The following DIAPH1 variants were observed in gnomAD, a reference collection of about 807,000 sequenced individuals.
DIAPH1 encodes diaphanous related formin 1, also known as protein diaphanous homolog 1.
In DIAPH1, 46 loss-of-function variants were observed where a neutral mutation model predicts 140.7. That is an observed-to-expected ratio of 0.33 (90% CI 0.26 to 0.42). DIAPH1 has a LOEUF of 0.42. Among genes scored for constraint, DIAPH1 ranks in the 10% least tolerant of loss-of-function variants. The pLI, the probability that DIAPH1 is intolerant of heterozygous loss-of-function variation, is 1.00. For missense variants in DIAPH1, 1,310 were observed against 1,558.7 expected (o/e 0.84, Z 2.69); for synonymous variants, 565 against 551.6 (o/e 1.02, Z -0.34).
chr5:141,595,896 T>G (rs552575176), intron 1 of DIAPH1, among the ~76,000 whole-genome samples: 2 of 152,300 alleles, frequency 1.3e-5, no homozygotes, highest in East Asian at 3.9e-4. Context: ...TAAAAAAATT[T>G]TTAGGGACTG....
rs2099903128 is a variant in DIAPH1, at chr5:141,618,834, G to C, written c.81C>G (p.Pro27=). ...KKKGRSPDEL[P]SAGGDGGKSK... is the part of the protein sequence containing the mutation. Reference sequence around the variant, plus strand: ...ATTTGCCGCCGTCGCCGCCCGCCGAGGGCAGCTCATCTGGGCTCCGGCCCT... The same window carrying C: ...ATTTGCCGCCGTCGCCGCCCGCCGACGGCAGCTCATCTGGGCTCCGGCCCT... The change falls in exon 1 of 28, where the codon CCC becomes CCG. Residue 27 remains proline (P), a synonymous_variant. Coordinates refer to ENST00000389054, the MANE Select transcript of DIAPH1 (RefSeq NM_005219.5). 1.3e-6 allele frequency: 2 copies of C among 1,549,514 alleles called. No individual in the cohort carries two copies. The highest frequency in any genetic ancestry group is 2.8e-5 in the African/African-American group (2 of 72,504).
At chr5:141,534,553 T>C (rs1163717891) in intron 18 of DIAPH1, 120 bp from the exon 19 acceptor site, 2 of 776,088 alleles carry the variant, frequency 2.6e-6, no homozygotes, top group African/African-American at 1.7e-5. Context: ...TGGTCTATTG[T>C]ATTCCTTCAA....
At chr5:141,524,276 G>A in intron 26 of DIAPH1, 47 bp from the exon 27 acceptor site, 1 of 1,554,782 alleles carries the variant, frequency 6.4e-7, no homozygotes, top group Non-Finnish European at 8.9e-7. Flanking sequence ...AGCCAGAGCA[G>A]CATGGCAAAT....
chr5:141,566,895 A>AAAAACAAAAC (rs10646063), intron 18 of DIAPH1, among the ~76,000 whole-genome samples: 57,140 of 149,724 alleles, frequency 0.38, 11,095 homozygotes, highest in East Asian at 0.58. Flanking sequence ...ACTCCATCTC[A>AAAAACAAAAC]AAAACAAAAC....
Position 141,535,887 on chromosome 5 carries a change from T to C in DIAPH1, c.2483-1454A>G, listed in dbSNP as rs540759034. On this transcript the variant is annotated intron_variant, in intron 18 of 27. Coordinates refer to ENST00000389054, the MANE Select transcript of DIAPH1 (RefSeq NM_005219.5). ...AACACGACAGTGGGAGGAATACTTT[T>C]GAACACAACCTTTTTATACCATTTG... Among the ~76,000 whole-genome samples the C allele has an allele frequency of 2.6e-5, 4 of 152,346 alleles. No homozygotes were observed. The South Asian group carries it at 8.3e-4, about 32-fold the overall frequency.
chr5:141,584,158 T>C lies in DIAPH1; in HGVS notation c.368A>G (p.Glu123Gly), dbSNP rs1394571086. ...GGTGTACAAGTATTGGGACACCATC[T>C]CCCTCTTGATGATGATGTCCTTCTC... ...LREKDIIIKR[E>G]MVSQYLYTSK... The change falls in exon 4 of 28, where the codon GAG (glutamate) becomes GGG (glycine). Residue 123 changes from glutamate (E) to glycine (G), a missense_variant. By Grantham distance (98) the Glu-to-Gly change is moderately conservative. This residue lies in a region of DIAPH1 where 377 missense variants were observed against 497.1 expected (regional missense o/e 0.76). Transcript: ENST00000389054. 6.2e-7 allele frequency: 1 copy of C among 1,612,828 alleles called. No homozygotes were observed. Among genetic ancestry groups the C allele is most frequent in the Non-Finnish European group, 8.5e-7 (1 of 1,178,992 alleles).
intron 1 of DIAPH1, among the ~76,000 whole-genome samples, chr5:141,601,074 T>C (rs142831875): frequency 4.6e-5 from 7 of 151,706 alleles, no homozygotes; most frequent in African/African-American, 1.7e-4. Flanking sequence ...CCGGGGCCTG[T>C]TGTGGGATGG....
At chr5:141,588,722 G>A (rs1056234497) in intron 1 of DIAPH1, among the ~76,000 whole-genome samples, 2 of 152,164 alleles carry the variant, frequency 1.3e-5, no homozygotes, top group Non-Finnish European at 2.9e-5. Context: ...GCATTGTCCA[G>A]TAAAGTTAAA....
intron 18 of DIAPH1, among the ~76,000 whole-genome samples, chr5:141,549,582 C>A (rs542242222): frequency 1.3e-5 from 2 of 150,876 alleles, no homozygotes; most frequent in Non-Finnish European, 2.9e-5. Flanking sequence ...ACTAACATAT[C>A]TTTTTTCATA....
At chr5:141,555,451 C>T (rs918047371) in intron 18 of DIAPH1, among the ~76,000 whole-genome samples, 6 of 152,160 alleles carry the variant, frequency 3.9e-5, no homozygotes, top group Admixed American at 2.6e-4. Flanking sequence ...CTCCCATTTG[C>T]TGCCTTCCCA....
intron 1 of DIAPH1, among the ~76,000 whole-genome samples, chr5:141,614,456 C>G (rs764731498): frequency 1.3e-5 from 2 of 152,138 alleles, no homozygotes; most frequent in Non-Finnish European, 2.9e-5. Context: ...TAAAATTATT[C>G]TGACCCGTGC....
intron 19 of DIAPH1, among the ~76,000 whole-genome samples, chr5:141,531,371 G>A (rs2099888208): frequency 6.6e-6 from 1 of 151,412 alleles, no homozygotes; most frequent in African/African-American, 2.4e-5. Flanking sequence ...GTGCAGCAGT[G>A]CAGTCATAGC....
chr5:141,597,199 A>T (rs2099899462), intron 1 of DIAPH1, among the ~76,000 whole-genome samples: 1 of 152,216 alleles, frequency 6.6e-6, no homozygotes, highest in Non-Finnish European at 1.5e-5. Flanking sequence ...AAAATAGATT[A>T]TTCAAAGGCA....
intron 18 of DIAPH1, among the ~76,000 whole-genome samples, chr5:141,541,274 T>C (rs2099889919): frequency 6.6e-6 from 1 of 152,140 alleles, no homozygotes; most frequent in Non-Finnish European, 1.5e-5. Flanking sequence ...TAAAGAACAT[T>C]TACGAAAAAT....
At chr5:141,530,588 C>T (rs2099888057) in intron 19 of DIAPH1, among the ~76,000 whole-genome samples, 1 of 152,188 alleles carries the variant, frequency 6.6e-6, no homozygotes, top group South Asian at 2.1e-4. Flanking sequence ...TTCTCCCACC[C>T]TTCTTGGCAG....
rs758755527 is a variant in DIAPH1, at chr5:141,573,475, TAGAC to T, written c.2358+13_2358+16del. On this transcript the variant is annotated intron_variant, in intron 16 of 27. Coordinates refer to ENST00000389054, the MANE Select transcript of DIAPH1 (RefSeq NM_005219.5). ...AAAAAAAGATTGACTGGTGAAGAAA[TAGAC>T]AGAAACTCTTACCTTGGACCAGTTT... The T allele has an allele frequency of 1.3e-5, 18 of 1,371,474 alleles. No homozygotes were observed. The Admixed American group carries it at 1.6e-4, about 12-fold the overall frequency. The allele number at this position is 1,371,474 out of a possible 1,614,324, so 85.0% of individuals were successfully genotyped here. A position where few individuals can be genotyped will look rare whatever the true frequency, so the allele number is the denominator to read the frequency against.
At chr5:141,527,127 G>A (rs760371259) in intron 24 of DIAPH1, among the ~76,000 whole-genome samples, 1 of 152,154 alleles carries the variant, frequency 6.6e-6, no homozygotes, top group African/African-American at 2.4e-5. Context: ...CGGGGTACAG[G>A]CAGGGGAGTT....
intron 2 of DIAPH1, 160 bp from the exon 3 acceptor site, chr5:141,587,357 C>A: frequency 1.4e-6 from 1 of 722,118 alleles, no homozygotes; most frequent in Non-Finnish European, 2.4e-6. Flanking sequence ...ATCAGTCTTC[C>A]TCCTATCTAA....
At chr5:141,521,311 C>A (rs1218172830) in intron 27 of DIAPH1, among the ~76,000 whole-genome samples, 1 of 152,126 alleles carries the variant, frequency 6.6e-6, no homozygotes, top group Non-Finnish European at 1.5e-5. Context: ...GACTTGTATA[C>A]AAGAGGCCAC....
Sources: allele counts gnomAD v4.1 joint callset (sites outside exome capture counted in the v4.1 genomes callset), GRCh38; gene constraint gnomAD v4.1.1; regional missense constraint gnomAD v4.1.1; transcripts MANE v1.5; gene names NCBI Gene and HGNC (gene_info 2026-07-23, HGNC 2026-07-21).